The following CDIN1 variants were observed in gnomAD, a reference collection of about 807,000 sequenced individuals.
CDIN1 encodes CDAN1 interacting nuclease 1.
CDIN1 carries 33 observed loss-of-function variants against 45.3 expected under a neutral mutation model. The ratio of observed to expected loss-of-function variants is 0.73; its 90% confidence interval spans 0.55 to 0.97. The LOEUF (loss-of-function observed/expected upper bound fraction) is 0.97, where lower values mean the gene tolerates loss of function less well. Among genes scored for constraint, CDIN1 ranks in the 50% least tolerant of loss-of-function variants. CDIN1 has a pLI of 0.00. For missense variants in CDIN1, 303 were observed against 339.4 expected, an observed-to-expected ratio of 0.89 and a Z score of 0.84; for synonymous variants, 118 against 124.4, an observed-to-expected ratio of 0.95 and a Z score of 0.34.
chr15:36,661,295 CTCA>C (rs1404199993), intron 5 of CDIN1, among the ~76,000 whole-genome samples: 1 of 152,204 alleles, frequency 6.6e-6, no homozygotes, highest in African/African-American at 2.4e-5. Context: ...GAGCTCTTCA[CTCA>C]TCATGCCATC....
intron 6 of CDIN1, 123 bp downstream of exon 6, chr15:36,691,887 A>C: frequency 1.2e-6 from 1 of 830,992 alleles, no homozygotes; most frequent in Non-Finnish European, 1.9e-6. Context: ...GTGCACCATA[A>C]ATGGCAATGC....
chr15:36,676,090 A>G (rs12324732), intron 5 of CDIN1, among the ~76,000 whole-genome samples: 32,293 of 152,048 alleles, frequency 0.21, 3,821 homozygotes, highest in Admixed American at 0.33. Context: ...TCTGAATAGA[A>G]GCACTGTCCC....
At chr15:36,599,119 T>C (rs962304557) in intron 1 of CDIN1, among the ~76,000 whole-genome samples, 4 of 152,162 alleles carry the variant, frequency 2.6e-5, no homozygotes, top group Non-Finnish European at 5.9e-5. Flanking sequence ...TTTTTTTTTT[T>C]TTTGGGAGGG....
chr15:36,672,251 T>C (rs2041478917), intron 5 of CDIN1, among the ~76,000 whole-genome samples: 2 of 152,134 alleles, frequency 1.3e-5, no homozygotes, highest in Non-Finnish European at 2.9e-5. Context: ...TTCCTCACTA[T>C]AATATGAAAG....
intron 10 of CDIN1, among the ~76,000 whole-genome samples, chr15:36,765,601 G>A (rs775414354): frequency 5.3e-5 from 8 of 152,120 alleles, no homozygotes; most frequent in Admixed American, 1.3e-4. Context: ...ATGTAATGAC[G>A]GTTGAATTTA....
intron 5 of CDIN1, among the ~76,000 whole-genome samples, chr15:36,672,219 CAT>C (rs2041477945): frequency 6.6e-6 from 1 of 151,932 alleles, no homozygotes; most frequent in East Asian, 1.9e-4. Flanking sequence ...TTCTATGAAA[CAT>C]GTCTTGAATG....
chr15:36,691,139 A>C lies in CDIN1; in HGVS notation c.347-546A>C, dbSNP rs766599458. On this transcript the variant is annotated intron_variant, in intron 5 of 10. Transcript: ENST00000566621. ...CCTACTTTCCTCACTTGTGGAATGG[A>C]GATAGGATTTTATGGCAGTTGATGA... is the stretch of plus-strand genomic sequence containing the variant. 7.7e-6 allele frequency: 4 copies of C among 518,328 alleles called. No homozygotes were observed. The Admixed American group carries it at 7.8e-5, about 10-fold the overall frequency. The allele number at this position is 518,328 out of a possible 1,614,324, so 32.1% of individuals were successfully genotyped here.
intron 1 of CDIN1, chr15:36,613,535 G>T: frequency 6.5e-7 from 1 of 1,528,226 alleles, no homozygotes; most frequent in Non-Finnish European, 9.0e-7. Flanking sequence ...GCAGCAGGCA[G>T]ATGATGCAGA....
At chr15:36,593,292 T>C (rs894539683) in intron 1 of CDIN1, among the ~76,000 whole-genome samples, 12 of 152,202 alleles carry the variant, frequency 7.9e-5, no homozygotes, top group Non-Finnish European at 1.3e-4. Context: ...CAACCACTCA[T>C]ATCTGGAAGC....
At chr15:36,762,168 G>T (rs1320356163) in intron 10 of CDIN1, among the ~76,000 whole-genome samples, 1 of 80,050 alleles carries the variant, frequency 1.2e-5, no homozygotes, top group Non-Finnish European at 2.8e-5. Context: ...TAGGAAGGCT[G>T]CCCTTGTGAG....
intron 10 of CDIN1, among the ~76,000 whole-genome samples, chr15:36,807,757 CAG>C (rs1415759309): frequency 5.3e-5 from 8 of 152,138 alleles, no homozygotes; most frequent in Non-Finnish European, 1.2e-4. Flanking sequence ...AGTTGTAATG[CAG>C]AGAGTAAAGG....
chr15:36,697,752 A>G (rs1482919725), intron 8 of CDIN1, among the ~76,000 whole-genome samples: 4 of 152,148 alleles, frequency 2.6e-5, no homozygotes, highest in Non-Finnish European at 4.4e-5. Context: ...AGAAAAATTC[A>G]TGTTGGGTAT....
chr15:36,610,386 G>GTAAT lies in CDIN1; in HGVS notation c.101+30426_101+30429dup, dbSNP rs1595739776. On this transcript the variant is annotated intron_variant, in intron 1 of 10. Coordinates refer to ENST00000566621, the MANE Select transcript of CDIN1 (RefSeq NM_001321759.2). ...TGCCTTTATAAATCTTTTCAGTTGT[G>GTAAT]TAATGTGAAAATTATTAATGTATGA... Among the ~76,000 whole-genome samples the GTAAT allele has an allele frequency of 2.0e-5, 3 of 152,284 alleles. 1 individual carries two copies. The East Asian group carries it at 5.8e-4, about 29-fold the overall frequency.
In CDIN1 at chr15:36,659,639, T is replaced by C. The variant is rs80032789; in HGVS notation, c.346+1734T>C. On this transcript the variant is annotated intron_variant, in intron 5 of 10. Transcript: ENST00000566621. Reference sequence around the variant, plus strand: ...GTCAGGTTTTGTTTTTTTTTTTTTTTCCTGAGTAAAATCATGACAGATATT... The same window carrying C: ...GTCAGGTTTTGTTTTTTTTTTTTTTCCCTGAGTAAAATCATGACAGATATT... Among the ~76,000 whole-genome samples, 131 of 151,794 alleles carry C rather than the reference T, an allele frequency of 8.6e-4. 1 individual carries two copies. The South Asian group carries it at 0.011, about 13-fold the overall frequency.
intron 10 of CDIN1, among the ~76,000 whole-genome samples, chr15:36,782,641 G>T (rs1179883078): frequency 6.6e-6 from 1 of 152,122 alleles, no homozygotes; most frequent in Non-Finnish European, 1.5e-5. Flanking sequence ...TTTCATGAGG[G>T]ATTTCTGAAT....
At chr15:36,734,875 T>C (rs911689720) in intron 10 of CDIN1, among the ~76,000 whole-genome samples, 13 of 152,168 alleles carry the variant, frequency 8.5e-5, no homozygotes, top group African/African-American at 3.1e-4. Context: ...GCAGTGTACT[T>C]AAAGGCCTTA....
intron 1 of CDIN1, among the ~76,000 whole-genome samples, chr15:36,612,384 A>G (rs557117701): frequency 6.6e-6 from 1 of 152,314 alleles, no homozygotes; most frequent in South Asian, 2.1e-4. Context: ...GAAGAGACAA[A>G]TCTTACTGGG....
intron 6 of CDIN1, 66 bp from the exon 7 acceptor site, chr15:36,692,060 A>G: frequency 2.7e-6 from 4 of 1,475,462 alleles, no homozygotes; most frequent in Non-Finnish European, 3.7e-6. Flanking sequence ...TGCTTTTAGG[A>G]TATTGTTTAC....
chr15:36,640,442 T>G (rs2140388426), intron 1 of CDIN1, among the ~76,000 whole-genome samples: 1 of 152,294 alleles, frequency 6.6e-6, no homozygotes, highest in South Asian at 2.1e-4. Context: ...GTATCCTGCT[T>G]TATCTTTCTT....
Sources: allele counts gnomAD v4.1 joint callset (sites outside exome capture counted in the v4.1 genomes callset), GRCh38; gene constraint gnomAD v4.1.1; transcripts MANE v1.5; gene names NCBI Gene and HGNC (gene_info 2026-07-23, HGNC 2026-07-21).